The following ZNF395 variants were observed in gnomAD, a reference collection of about 807,000 sequenced individuals.
ZNF395 encodes the protein zinc finger protein 395.
Under a neutral mutation model 57.7 loss-of-function variants are expected in ZNF395, and 20 were observed. That is an observed-to-expected ratio of 0.35 (90% CI 0.24 to 0.50). ZNF395 has a LOEUF of 0.50. Ranked by LOEUF, ZNF395 falls within the 20% of genes least tolerant of loss-of-function variation. The pLI, the probability that ZNF395 is intolerant of heterozygous loss-of-function variation, is 0.97. For synonymous variants in ZNF395, 295 were observed against 275.9 expected (o/e 1.07, Z -0.69); for missense variants, 606 against 671.2 (o/e 0.90, Z 1.07).
Position 28,349,168 on chromosome 8 carries a change from G to T in ZNF395, c.1387C>A (p.His463Asn). 6.4e-7 allele frequency: 1 copy of T among 1,566,582 alleles called. No individual in the cohort carries two copies. Among genetic ancestry groups the T allele is most frequent in the South Asian group, 1.2e-5 (1 of 83,654 alleles). ...PQQPAPAMKSHLIVTSPPRAQ... is the reference protein window; with the variant it reads ...PQQPAPAMKSNLIVTSPPRAQ... ...CGGGGTGGAGAAGTGACGATCAGAT[G>T]AGATTTCATCGCAGGTGCTGGCTGC... The change falls in exon 9 of 10, where the codon CAT (histidine) becomes AAT (asparagine). Residue 463 changes from histidine (H) to asparagine (N), a missense_variant. His to Asn is a moderately conservative substitution (Grantham distance 68). Transcript: ENST00000344423.
rs1801685391 is a variant in ZNF395 at position 28,351,657 on chromosome 8, G to C, written c.1071C>G (p.Pro357=). Residue 357 remains proline (P), a synonymous_variant, in exon 7 of 10, where the codon CCC becomes CCG. Transcript: ENST00000344423. ...CAGACAGAGGCAGGCCAGTCATGCT[G>C]GGGGTGGGAGCTGGCTCGGAGGTGG... ...GTPTSEPAPT[P]SMTGLPLSAL... is the part of the protein sequence containing the mutation. 1 of 1,613,174 alleles carries C rather than the reference G, an allele frequency of 6.2e-7. No individual in the cohort carries two copies. The highest frequency in any genetic ancestry group is 1.3e-5 in the African/African-American group (1 of 75,064).
intron 1 of ZNF395, among the ~76,000 whole-genome samples, chr8:28,362,225 C>A (rs901410050): frequency 6.6e-6 from 1 of 152,204 alleles, no homozygotes; most frequent in Non-Finnish European, 1.5e-5. Flanking sequence ...ACAGGCCTCT[C>A]GAAGTGGGTC....
chr8:28,385,592 C>A (rs1229314192), intron 1 of ZNF395, among the ~76,000 whole-genome samples: 1 of 149,932 alleles, frequency 6.7e-6, no homozygotes, highest in East Asian at 2.0e-4. Context: ...CCTGGCCTCG[C>A]GCGCCGGCCG....
Position 28,353,278 on chromosome 8 carries a change from G to A in ZNF395, c.714C>T (p.Ser238=). 2 of 1,609,118 alleles carry A rather than the reference G, an allele frequency of 1.2e-6. No individual in the cohort carries two copies. The highest frequency in any genetic ancestry group is 2.2e-5 in the South Asian group (2 of 90,826). Residue 238 remains serine, a synonymous_variant, in exon 5 of 10, where the codon AGC becomes AGT. Coordinates refer to ENST00000344423, the MANE Select transcript of ZNF395 (RefSeq NM_018660.3). ...STPSPPHPQA[S]PKYLGDAFGS... is the part of the protein sequence containing the mutation. ...CAAAAGCATCCCCCAAATACTTGGG[G>A]CTGGCCTGGGGGTGGGGGGGCGAGG...
At chr8:28,351,473 T>C in intron 7 of ZNF395, 22 bp downstream of exon 7, 1 of 1,563,010 alleles carries the variant, frequency 6.4e-7, no homozygotes, top group African/African-American at 1.4e-5. Context: ...AGCCTGAGCC[T>C]CCAGCGAGCC....
intron 1 of ZNF395, among the ~76,000 whole-genome samples, chr8:28,362,297 C>T (rs546670394): frequency 1.4e-4 from 22 of 152,250 alleles, no homozygotes; most frequent in African/African-American, 3.9e-4. Context: ...CAGAAGGGGA[C>T]GAGTCAGACC....
Position 28,348,560 on chromosome 8 carries a change from G to T in ZNF395, c.*159C>A. 1.6e-6 allele frequency: 1 copy of T among 643,624 alleles called. No homozygotes were observed. The highest frequency in any genetic ancestry group is 2.8e-6 in the Non-Finnish European group (1 of 363,068). The allele number at this position is 643,624 out of a possible 1,614,324, so 39.9% of individuals were successfully genotyped here. ...TTAAAAAATAAAATGTTCGCACAATGGGAGAAAATTGCTTTAAGTGTTACA... is the reference window on the plus strand; with the variant it reads ...TTAAAAAATAAAATGTTCGCACAATTGGAGAAAATTGCTTTAAGTGTTACA... On this transcript the variant is annotated 3_prime_UTR_variant, in exon 10 of 10. Transcript: ENST00000344423.
chr8:28,381,122 A>G (rs543065816), intron 1 of ZNF395, among the ~76,000 whole-genome samples: 1 of 151,472 alleles, frequency 6.6e-6, no homozygotes, highest in East Asian at 2.0e-4. Flanking sequence ...GCTCACTGCA[A>G]GCTCTGCCTC....
Position 28,350,159 on chromosome 8 carries a change from G to C in ZNF395, c.1234-3C>G. On this transcript the variant is annotated splice_polypyrimidine_tract_variant and splice_region_variant and intron_variant, in intron 7 of 9. Coordinates refer to ENST00000344423, the MANE Select transcript of ZNF395 (RefSeq NM_018660.3). ...GGGATCTGGAAGGATGGCAGAGCCT[G>C]CGGAAGACGAGGGTGTCAGCCCGGA... is the stretch of plus-strand genomic sequence containing the variant. The C allele has an allele frequency of 6.2e-7, 1 of 1,601,300 alleles. No individual in the cohort carries two copies. The highest frequency in any genetic ancestry group is 8.5e-7 in the Non-Finnish European group (1 of 1,175,856).
chr8:28,363,383 C>T (rs538349840), intron 1 of ZNF395, among the ~76,000 whole-genome samples: 1 of 152,232 alleles, frequency 6.6e-6, no homozygotes, highest in Admixed American at 6.5e-5. Flanking sequence ...CTGCCTGCCT[C>T]AGCAGGCAGG....
In ZNF395 at chr8:28,360,903, G is replaced by A; in HGVS notation, c.222C>T (p.Ala74=). 4 of 1,613,914 alleles carry A rather than the reference G, an allele frequency of 2.5e-6. No homozygotes were observed. The highest frequency in any genetic ancestry group is 2.5e-6 in the Non-Finnish European group (3 of 1,179,992). The change falls in exon 2 of 10, where the codon GCC becomes GCT. Residue 74 remains alanine (A), a synonymous_variant. Transcript: ENST00000344423. ...AACCTACCTTCTGCCCAGGCTGAAA[G>A]GCCACCTGCTGAAGGCCCGAGGTGC... ...APSTSGLQQV[A]FQPGQKVYVW...
At chr8:28,373,863 G>C (rs1802006574) in intron 1 of ZNF395, among the ~76,000 whole-genome samples, 1 of 152,122 alleles carries the variant, frequency 6.6e-6, no homozygotes, top group Non-Finnish European at 1.5e-5. Context: ...CTGAGCACAG[G>C]GCAGGCATCC....
intron 3 of ZNF395, among the ~76,000 whole-genome samples, chr8:28,358,082 A>G (rs1350996243): frequency 6.7e-6 from 1 of 150,202 alleles, no homozygotes; most frequent in African/African-American, 2.5e-5. Flanking sequence ...TTGTTTCTGT[A>G]GGGTTTCAAG....
chr8:28,363,423 C>T (rs558645603), intron 1 of ZNF395, among the ~76,000 whole-genome samples: 5 of 152,168 alleles, frequency 3.3e-5, no homozygotes, highest in African/African-American at 9.6e-5. Context: ...CATGAGGCAC[C>T]GTGCCTGGCC....
chr8:28,357,897 C>T (rs1302676785), intron 3 of ZNF395, among the ~76,000 whole-genome samples: 1 of 152,064 alleles, frequency 6.6e-6, no homozygotes, highest in East Asian at 1.9e-4. Flanking sequence ...CCTTTTAAAT[C>T]TTAAAAGATC....
chr8:28,353,497 AGTTCATT>A (rs1801744201), intron 4 of ZNF395, 89 bp from the exon 5 acceptor site: 1 of 1,055,502 alleles, frequency 9.5e-7, no homozygotes. Context: ...CATGGAGAGG[AGTTCATT>A]CATGGCAGCA....
rs202052760 is a variant in ZNF395 at position 28,350,082 on chromosome 8, G to A, written c.1308C>T (p.Ala436=). The A allele has an allele frequency of 1.3e-4, 208 of 1,604,464 alleles. 1 individual carries two copies. In the East Asian group the frequency reaches 3.9e-3, roughly 30 times the overall value. Residue 436 remains alanine (A), a synonymous_variant, in exon 8 of 10, where the codon GCC becomes GCT. Transcript: ENST00000344423. ...TSVSWAAAPS[A]ACSLSPVRSR... ...CACTCACCGGAGAGAGAGAGCAGGC[G>A]GCGGAGGGGGCAGCAGCCCAGCTGA... is the stretch of plus-strand genomic sequence containing the variant.
intron 1 of ZNF395, chr8:28,385,448 G>A (rs535467785): frequency 6.6e-6 from 1 of 151,158 alleles, no homozygotes; most frequent in Non-Finnish European, 1.5e-5. Flanking sequence ...CACCGCCGGG[G>A]AGGGCCAGGG....
intron 1 of ZNF395, among the ~76,000 whole-genome samples, chr8:28,372,258 A>G (rs1801985616): frequency 6.6e-6 from 1 of 152,092 alleles, no homozygotes; most frequent in South Asian, 2.1e-4. Flanking sequence ...CCCTTCCTAG[A>G]GATTCTGATC....
Sources: gnomAD v4.1 joint callset for allele counts (sites outside exome capture counted in the v4.1 genomes callset) on GRCh38, gnomAD v4.1.1 for gene constraint, MANE v1.5 for transcripts, NCBI Gene and HGNC (gene_info 2026-07-23, HGNC 2026-07-21) for gene names.